The following SMAP1 variants were observed in gnomAD, a reference collection of about 807,000 sequenced individuals.
SMAP1 encodes small ArfGAP 1.
A neutral mutation model predicts 58.5 loss-of-function variants in SMAP1; 24 were observed. That is an observed-to-expected ratio of 0.41 (90% CI 0.30 to 0.58). The LOEUF (loss-of-function observed/expected upper bound fraction) is 0.58, where lower values mean the gene tolerates loss of function less well. Ranked by LOEUF, SMAP1 falls within the 20% of genes least tolerant of loss-of-function variation. The pLI is 0.29. For synonymous variants in SMAP1, 216 were observed against 196.6 expected, an observed-to-expected ratio of 1.10 and a Z score of -0.82; for missense variants, 563 against 566.3, an observed-to-expected ratio of 0.99 and a Z score of 0.06.
At chr6:70,860,072 C>T in intron 10 of SMAP1, 128 bp from the exon 11 acceptor site, 1 of 1,031,992 alleles carries the variant, frequency 9.7e-7, no homozygotes, top group Non-Finnish European at 1.4e-6. Flanking sequence ...TTGTATGGTA[C>T]TCTGTTTTTA....
At chr6:70,799,811 G>C (rs1267724621) in intron 6 of SMAP1, among the ~76,000 whole-genome samples, 1 of 152,142 alleles carries the variant, frequency 6.6e-6, no homozygotes, top group Non-Finnish European at 1.5e-5. Context: ...GCATCATAAA[G>C]TATGTGCATC....
intron 1 of SMAP1, among the ~76,000 whole-genome samples, chr6:70,720,927 C>A (rs545556893): frequency 1.3e-5 from 2 of 152,146 alleles, no homozygotes; most frequent in African/African-American, 4.8e-5. Flanking sequence ...AGACATTTTC[C>A]CCATGGTCAC....
At chr6:70,783,770 C>T (rs191648717) in intron 4 of SMAP1, among the ~76,000 whole-genome samples, 82 of 152,208 alleles carry the variant, frequency 5.4e-4, no homozygotes, top group African/African-American at 1.3e-3. Flanking sequence ...TAAAAAGAAA[C>T]GAACAAAGTC....
At chr6:70,769,638 ATG>A in intron 3 of SMAP1, among the ~76,000 whole-genome samples, 1 of 152,154 alleles carries the variant, frequency 6.6e-6, no homozygotes, top group Non-Finnish European at 1.5e-5. Context: ...TATTGAGCCT[ATG>A]TGTGTCTCTG....
chr6:70,821,082 A>AT (rs2149981548), intron 6 of SMAP1, among the ~76,000 whole-genome samples: 1 of 129,242 alleles, frequency 7.7e-6, no homozygotes, highest in Non-Finnish European at 1.6e-5. Flanking sequence ...TCCCTGCCCC[A>AT]TTTTCTCAAG....
intron 3 of SMAP1, among the ~76,000 whole-genome samples, chr6:70,767,042 A>G (rs1359594459): frequency 6.6e-6 from 1 of 152,062 alleles, no homozygotes; most frequent in Non-Finnish European, 1.5e-5. Flanking sequence ...GGTTTGTCAA[A>G]GATCAGATAG....
chr6:70,861,860 T>C lies in SMAP1; in HGVS notation c.*1526T>C. 3 of 1,614,124 alleles carry C rather than the reference T, an allele frequency of 1.9e-6. No individual in the cohort carries two copies. The highest frequency in any genetic ancestry group is 2.5e-6 in the Non-Finnish European group (3 of 1,179,984). On this transcript the variant is annotated 3_prime_UTR_variant, in exon 11 of 11. Transcript: ENST00000370455. ...TGCAGTTATTTGCTTTCGGTTCCAG[T>C]TCTTCGACTGTTGTTATCTGTTTGA... is the stretch of plus-strand genomic sequence containing the variant.
chr6:70,794,821 C>T (rs1349670296), intron 5 of SMAP1, among the ~76,000 whole-genome samples: 5 of 134,034 alleles, frequency 3.7e-5, no homozygotes, highest in African/African-American at 1.5e-4. Context: ...TGGAGTTTCA[C>T]TCTGTCGCCC....
At chr6:70,840,661 A>G (rs986257356) in intron 7 of SMAP1, among the ~76,000 whole-genome samples, 9 of 152,214 alleles carry the variant, frequency 5.9e-5, no homozygotes, top group African/African-American at 2.2e-4. Context: ...AATAGTACCT[A>G]CAAGAGCTGC....
intron 1 of SMAP1, among the ~76,000 whole-genome samples, chr6:70,676,113 G>A (rs536526310): frequency 2.6e-5 from 4 of 152,258 alleles, no homozygotes; most frequent in East Asian, 1.9e-4. Context: ...GGGAGCACCC[G>A]GACGCTTGCT....
chr6:70,721,268 C>T (rs528269415), intron 1 of SMAP1, among the ~76,000 whole-genome samples: 1 of 152,108 alleles, frequency 6.6e-6, no homozygotes, highest in Admixed American at 6.5e-5. Context: ...ATTTTTTCCG[C>T]CAGATACCCT....
chr6:70,836,941 C>G lies in SMAP1; in HGVS notation c.577C>G (p.Leu193Val). Residue 193 changes from leucine to valine, a missense_variant and splice_region_variant, in exon 7 of 11, where the codon CTG becomes GTG. Leu to Val is a conservative substitution (Grantham distance 32). Transcript: ENST00000370455. ...ATAAATCCAATTATTTACTTTAAAG[C>G]TGCAGAAGAAAGATCAGCAACTGGA... ...KPAKPLTAEK[L>V]QKKDQQLEPK... 6.3e-7 allele frequency: 1 copy of G among 1,576,326 alleles called. No homozygotes were observed. Among genetic ancestry groups the G allele is most frequent in the Non-Finnish European group, 8.6e-7 (1 of 1,164,496 alleles).
chr6:70,820,907 T>C (rs1158292591), intron 6 of SMAP1, among the ~76,000 whole-genome samples: 1 of 152,166 alleles, frequency 6.6e-6, no homozygotes. Flanking sequence ...CAAACTATCA[T>C]ACGTAAATAA....
chr6:70,814,615 A>G (rs1392095519), intron 6 of SMAP1, among the ~76,000 whole-genome samples: 5 of 152,062 alleles, frequency 3.3e-5, no homozygotes, highest in African/African-American at 9.7e-5. Flanking sequence ...TCCTGAGTAT[A>G]CCATCTGATT....
At chr6:70,681,047 G>A (rs146604278) in intron 1 of SMAP1, among the ~76,000 whole-genome samples, 3,557 of 151,776 alleles carry the variant, frequency 0.023, 51 homozygotes, top group Non-Finnish European at 0.037. Flanking sequence ...TTAAATAAAA[G>A]GATAAAACTT....
At chr6:70,839,188 TG>T (rs1770711535) in intron 7 of SMAP1, among the ~76,000 whole-genome samples, 1 of 152,234 alleles carries the variant, frequency 6.6e-6, no homozygotes, top group African/African-American at 2.4e-5. Context: ...GCAGCTCTAC[TG>T]TAACTTCATT....
At chr6:70,826,934 C>CAAAAAAAA (rs61069311) in intron 6 of SMAP1, among the ~76,000 whole-genome samples, 64 of 76,528 alleles carry the variant, frequency 8.4e-4, no homozygotes, top group African/African-American at 1.9e-3. Context: ...AACCGTGTCT[C>CAAAAAAAA]AAAAAAAAAA....
In SMAP1 at chr6:70,799,421, G is replaced by T. The variant is rs772014280; in HGVS notation, c.576+684G>T. On this transcript the variant is annotated intron_variant, in intron 6 of 10. Coordinates refer to ENST00000370455, the MANE Select transcript of SMAP1 (RefSeq NM_001044305.3). ...TAGCAGTGATATGCAGGATAGATGTGATTAGGCGAACTACAGCTAGTGAGA... is the reference window on the plus strand; with the variant it reads ...TAGCAGTGATATGCAGGATAGATGTTATTAGGCGAACTACAGCTAGTGAGA... Among the ~76,000 whole-genome samples the T allele has an allele frequency of 1.1e-4, 17 of 152,108 alleles. 1 individual carries two copies. The highest frequency in any genetic ancestry group is 1.8e-4 in the Non-Finnish European group (12 of 67,996).
At chr6:70,677,174 T>G (rs1766513826) in intron 1 of SMAP1, among the ~76,000 whole-genome samples, 1 of 149,290 alleles carries the variant, frequency 6.7e-6, no homozygotes, top group Non-Finnish European at 1.5e-5. Flanking sequence ...TTCATATATA[T>G]ATATAATTTT....
Sources: gnomAD v4.1 joint callset for allele counts (sites outside exome capture counted in the v4.1 genomes callset) on GRCh38, gnomAD v4.1.1 for gene constraint, MANE v1.5 for transcripts, NCBI Gene and HGNC (gene_info 2026-07-23, HGNC 2026-07-21) for gene names.